The following RNF128 variants were observed in gnomAD, a reference collection of about 807,000 sequenced individuals.
RNF128 encodes ring finger protein 128.
RNF128 carries 13 observed loss-of-function variants against 26.2 expected under a neutral mutation model. That is an observed-to-expected ratio of 0.50 (90% CI 0.32 to 0.79). The LOEUF (loss-of-function observed/expected upper bound fraction) is 0.79, where lower values mean the gene tolerates loss of function less well. Ranked by LOEUF, RNF128 falls within the 30% of genes least tolerant of loss-of-function variation. The pLI is 0.03. For synonymous variants in RNF128, 149 were observed against 142.5 expected, an observed-to-expected ratio of 1.05 and a Z score of -0.32; for missense variants, 315 against 349.7, an observed-to-expected ratio of 0.90 and a Z score of 0.79.
At chrX:106,717,030 G>A (rs981522490) in intron 1 of RNF128, among the ~76,000 whole-genome samples, 1 of 109,912 alleles carries the variant, frequency 9.1e-6, no homozygotes, top group African/African-American at 3.3e-5. Context: ...GTGAAACCCC[G>A]TCTCTACTAA....
At chrX:106,784,916 A>C in intron 2 of RNF128, 149 bp from the exon 3 acceptor site, 1 of 435,300 alleles carries the variant, frequency 2.3e-6, no homozygotes, top group Non-Finnish European at 3.9e-6. Context: ...TAAATGGGAC[A>C]TTTATTATGG....
chrX:106,770,714 AGTTT>A (rs1168341662), intron 1 of RNF128, among the ~76,000 whole-genome samples: 1 of 111,670 alleles, frequency 9.0e-6, no homozygotes, highest in Non-Finnish European at 1.9e-5. Flanking sequence ...AGTTCAGAGA[AGTTT>A]GTTATTACCG....
chrX:106,788,758 TAA>T (rs1357329181), intron 4 of RNF128, among the ~76,000 whole-genome samples: 24 of 71,138 alleles, frequency 3.4e-4, no homozygotes, highest in Non-Finnish European at 4.7e-4. Flanking sequence ...GTATACTATA[TAA>T]TATATATACT....
chrX:106,717,659 C>T (rs771622177), intron 1 of RNF128, among the ~76,000 whole-genome samples: 2 of 111,936 alleles, frequency 1.8e-5, no homozygotes, highest in African/African-American at 6.5e-5. Flanking sequence ...ACTGAAACTC[C>T]AAAATAGAAA....
intron 1 of RNF128, among the ~76,000 whole-genome samples, chrX:106,757,703 G>A (rs1930046718): frequency 9.5e-6 from 1 of 105,488 alleles, no homozygotes; most frequent in South Asian, 4.4e-4. Flanking sequence ...CCTGCACAAT[G>A]TGCACATGTA....
intron 4 of RNF128, among the ~76,000 whole-genome samples, chrX:106,789,102 T>C (rs1264355542): frequency 4.7e-5 from 4 of 85,663 alleles, no homozygotes; most frequent in African/African-American, 1.7e-4. Flanking sequence ...AGTATATATA[T>C]ACTATATACT....
At chrX:106,776,236 G>A (rs779778114) in intron 2 of RNF128, among the ~76,000 whole-genome samples, 1 of 111,787 alleles carries the variant, frequency 8.9e-6, no homozygotes, top group Non-Finnish European at 1.9e-5. Context: ...TTCGGGTACC[G>A]TAAATGTATC....
chrX:106,726,947 C>G lies in RNF128; in HGVS notation c.34C>G (p.Arg12Gly). The G allele has an allele frequency of 8.4e-7, 1 of 1,184,020 alleles. No individual in the cohort carries two copies. The highest frequency in any genetic ancestry group is 2.8e-4 in the Middle Eastern group (1 of 3,577). ...GPPPGAGVSC[R>G]GGCGFSRLLA... ...GCCGCCTGGGGCCGGGGTCTCCTGC[C>G]GCGGTGGCTGCGGCTTTTCCAGATT... Residue 12 changes from arginine (R) to glycine (G), a missense_variant, in exon 1 of 7, where the codon CGC becomes GGC. By Grantham distance (125) the Arg-to-Gly change is moderately radical. Transcript: ENST00000255499.
chrX:106,717,614 C>G (rs984846516), intron 1 of RNF128, among the ~76,000 whole-genome samples: 1 of 112,047 alleles, frequency 8.9e-6, no homozygotes, highest in African/African-American at 3.2e-5. Flanking sequence ...AATGTTTATT[C>G]TAATGAATAG....
intron 2 of RNF128, among the ~76,000 whole-genome samples, chrX:106,779,643 C>T (rs1930533275): frequency 9.0e-6 from 1 of 110,780 alleles, no homozygotes; most frequent in Non-Finnish European, 1.9e-5. Context: ...AACCTATCTA[C>T]TGAGTCAAAT....
At chrX:106,731,220 A>G (rs1929497676) in intron 1 of RNF128, among the ~76,000 whole-genome samples, 1 of 112,161 alleles carries the variant, frequency 8.9e-6, no homozygotes, top group Non-Finnish European at 1.9e-5. Context: ...GAGTACTTCA[A>G]AGTCCACATT....
chrX:106,714,743 A>G (rs1929186222), intron 1 of RNF128, among the ~76,000 whole-genome samples: 1 of 111,677 alleles, frequency 9.0e-6, no homozygotes, highest in South Asian at 3.8e-4. Flanking sequence ...GCAACCACTA[A>G]TCTGCTATTA....
chrX:106,698,578 T>G (rs1404990377), intron 1 of RNF128, among the ~76,000 whole-genome samples: 2 of 111,518 alleles, frequency 1.8e-5, no homozygotes, highest in African/African-American at 6.5e-5. Context: ...TCAAGAAAAC[T>G]AATCAGTTGC....
chrX:106,749,711 G>A (rs1400197890), intron 1 of RNF128, among the ~76,000 whole-genome samples: 1 of 111,151 alleles, frequency 9.0e-6, no homozygotes. Context: ...TTTGAAGCCA[G>A]CCTGGGCAAC....
chrX:106,794,623 C>T (rs1365197548), intron 6 of RNF128, among the ~76,000 whole-genome samples: 2 of 110,832 alleles, frequency 1.8e-5, no homozygotes, highest in African/African-American at 3.3e-5. Context: ...ATCTGAGCAA[C>T]GGGCATGCTT....
chrX:106,703,527 T>G (rs1569434453), intron 1 of RNF128, among the ~76,000 whole-genome samples: 1 of 111,489 alleles, frequency 9.0e-6, no homozygotes, highest in Non-Finnish European at 1.9e-5. Flanking sequence ...GTCTGTGCTC[T>G]TAATCAGTAC....
chrX:106,750,286 T>C, intron 1 of RNF128, among the ~76,000 whole-genome samples: 1 of 112,349 alleles, frequency 8.9e-6, no homozygotes, highest in Middle Eastern at 4.6e-3. Context: ...AATGTGCCTA[T>C]TTAATTTTCA....
At chrX:106,789,010 A>G (rs1208179187) in intron 4 of RNF128, among the ~76,000 whole-genome samples, 1 of 82,647 alleles carries the variant, frequency 1.2e-5, no homozygotes, top group Non-Finnish European at 2.2e-5. Context: ...TATACTGAGT[A>G]TATATACTAT....
chrX:106,796,704 A>T lies in RNF128; in HGVS notation c.*991A>T, dbSNP rs1458198129. On this transcript the variant is annotated 3_prime_UTR_variant, in exon 7 of 7. Transcript: ENST00000255499. ...TGCATTTTCCTGGTGTTTGAAAAAG[A>T]AGGGGGGGAGAATTCCAGGTGCCTT... 9.0e-6 allele frequency: 1 copy of T among 111,568 alleles called. No individual in the cohort carries two copies. The highest frequency in any genetic ancestry group is 2.8e-4 in the East Asian group (1 of 3,571). The allele number at this position is 111,568 out of a possible 1,213,427, so 9.2% of individuals were successfully genotyped here.
Sources: gnomAD v4.1 joint callset for allele counts (sites outside exome capture counted in the v4.1 genomes callset) on GRCh38, gnomAD v4.1.1 for gene constraint, MANE v1.5 for transcripts, NCBI Gene and HGNC (gene_info 2026-07-23, HGNC 2026-07-21) for gene names.